ADAMTSL3: variants seen among roughly 807,000 people sequenced by gnomAD.
ADAMTSL3 encodes the protein ADAMTS like 3.
ADAMTSL3 carries 128 observed loss-of-function variants against 201.7 expected under a neutral mutation model. That is an observed-to-expected ratio of 0.63 (90% CI 0.55 to 0.73). The LOEUF (loss-of-function observed/expected upper bound fraction) is 0.73, where lower values mean the gene tolerates loss of function less well. Ranked by LOEUF, ADAMTSL3 falls within the 30% of genes least tolerant of loss-of-function variation. ADAMTSL3 has a pLI of 0.00. For missense variants in ADAMTSL3, 1,990 were observed against 2,119.6 expected, an observed-to-expected ratio of 0.94 and a Z score of 1.20; for synonymous variants, 738 against 748.4, an observed-to-expected ratio of 0.99 and a Z score of 0.23.
intron 5 of ADAMTSL3, among the ~76,000 whole-genome samples, chr15:83,810,637 T>C (rs773871886): frequency 2.0e-5 from 3 of 152,242 alleles, no homozygotes; most frequent in Non-Finnish European, 4.4e-5. Context: ...ATTAATTTCC[T>C]TTTTTTCCCA....
chr15:83,677,422 A>G (rs1329066868), intron 2 of ADAMTSL3, among the ~76,000 whole-genome samples: 1 of 152,000 alleles, frequency 6.6e-6, no homozygotes, highest in East Asian at 1.9e-4. Context: ...TTTCAGTTTT[A>G]TCAGTTTTTG....
chr15:83,995,701 T>C (rs865968331), intron 23 of ADAMTSL3, among the ~76,000 whole-genome samples: 2 of 152,076 alleles, frequency 1.3e-5, no homozygotes, highest in Non-Finnish European at 2.9e-5. Context: ...AAAGAAAATA[T>C]ACAAAGTTTT....
intron 15 of ADAMTSL3, among the ~76,000 whole-genome samples, 174 bp downstream of exon 15, chr15:83,899,905 TC>T (rs2065690622): frequency 6.6e-6 from 1 of 152,196 alleles, no homozygotes; most frequent in Admixed American, 6.5e-5. Flanking sequence ...AATTCAGCAG[TC>T]CTCCTTTGGC....
chr15:84,016,417 G>C lies in ADAMTSL3; in HGVS notation c.4191G>C (p.Leu1397=). The stretch of plus-strand genomic sequence containing the variant: ...GGCCAGAGAGTAGAATCGTATTTCT[G>C]CAAGGACATAAAAAGTACATTCTCC... ...RRWPESRIVF[L]QGHKKYILQA... is the part of the protein sequence containing the mutation. Residue 1397 remains leucine, a synonymous_variant, in exon 25 of 30, where the codon CTG becomes CTC. Transcript: ENST00000286744. 6.2e-7 allele frequency: 1 copy of C among 1,613,662 alleles called. No homozygotes were observed. Among genetic ancestry groups the C allele is most frequent in the Non-Finnish European group, 8.5e-7 (1 of 1,179,912 alleles).
intron 10 of ADAMTSL3, among the ~76,000 whole-genome samples, chr15:83,886,199 C>A (rs1202437951): frequency 6.6e-6 from 1 of 152,176 alleles, no homozygotes; most frequent in East Asian, 1.9e-4. Flanking sequence ...GAGCTACTGT[C>A]AAAATAATTC....
chr15:83,754,388 GC>G (rs1446210365), intron 3 of ADAMTSL3, among the ~76,000 whole-genome samples: 1 of 152,072 alleles, frequency 6.6e-6, no homozygotes, highest in African/African-American at 2.4e-5. Context: ...AGGCTTCTTG[GC>G]AAGCGTTCAC....
chr15:83,970,370 T>C, intron 19 of ADAMTSL3, 114 bp from the exon 20 acceptor site: 1 of 1,236,340 alleles, frequency 8.1e-7, no homozygotes, highest in East Asian at 2.3e-5. Flanking sequence ...GCTTTCTTCT[T>C]GGCACATCCG....
intron 15 of ADAMTSL3, among the ~76,000 whole-genome samples, chr15:83,910,571 T>C (rs1183254659): frequency 6.6e-6 from 1 of 151,052 alleles, no homozygotes; most frequent in Non-Finnish European, 1.5e-5. Flanking sequence ...ACTTGAAATA[T>C]ACAGAAAAAC....
intron 2 of ADAMTSL3, among the ~76,000 whole-genome samples, chr15:83,670,286 A>T (rs12916121): frequency 4.0e-5 from 6 of 149,264 alleles, no homozygotes; most frequent in Non-Finnish European, 8.9e-5. Context: ...AAAAAAAAGA[A>T]CAGAAAAAGA....
chr15:83,951,870 T>A (rs2066765229), intron 19 of ADAMTSL3, among the ~76,000 whole-genome samples: 1 of 152,174 alleles, frequency 6.6e-6, no homozygotes, highest in African/African-American at 2.4e-5. Context: ...CTTTTCCATC[T>A]CTGATTTAAT....
At chr15:83,758,754 A>G (rs1324623155) in intron 3 of ADAMTSL3, among the ~76,000 whole-genome samples, 1 of 151,954 alleles carries the variant, frequency 6.6e-6, no homozygotes, top group Non-Finnish European at 1.5e-5. Flanking sequence ...TAACTGGGCT[A>G]TTTCTTTTTT....
At chr15:83,698,925 A>AG (rs2141483922) in intron 2 of ADAMTSL3, among the ~76,000 whole-genome samples, 1 of 151,966 alleles carries the variant, frequency 6.6e-6, no homozygotes, top group South Asian at 2.1e-4. Context: ...GACCTAATAT[A>AG]GGGTGTTTTC....
At chr15:83,969,490 G>C (rs954293075) in intron 19 of ADAMTSL3, among the ~76,000 whole-genome samples, 1 of 152,126 alleles carries the variant, frequency 6.6e-6, no homozygotes, top group Non-Finnish European at 1.5e-5. Flanking sequence ...ATAGGCAGAT[G>C]AATGGATAAA....
intron 2 of ADAMTSL3, among the ~76,000 whole-genome samples, chr15:83,658,760 CA>C (rs1438751593): frequency 1.3e-5 from 2 of 152,188 alleles, no homozygotes; most frequent in Non-Finnish European, 2.9e-5. Flanking sequence ...GAGAGCTTTC[CA>C]AACTTTATCT....
chr15:83,711,024 CAAT>C (rs2061926503), intron 3 of ADAMTSL3, among the ~76,000 whole-genome samples: 1 of 152,078 alleles, frequency 6.6e-6, no homozygotes, highest in African/African-American at 2.4e-5. Context: ...CTAATAATAA[CAAT>C]AATATATTAA....
At chr15:84,013,769 A>G (rs1179962934) in intron 23 of ADAMTSL3, among the ~76,000 whole-genome samples, 1 of 152,010 alleles carries the variant, frequency 6.6e-6, no homozygotes, top group East Asian at 1.9e-4. Flanking sequence ...CTCCATCTCA[A>G]AAAGAAAAAG....
intron 2 of ADAMTSL3, among the ~76,000 whole-genome samples, chr15:83,678,965 G>A (rs1302796636): frequency 1.3e-5 from 2 of 149,398 alleles, no homozygotes; most frequent in Admixed American, 1.3e-4. Context: ...GATAGTGAAA[G>A]TATCATATCC....
At chr15:83,798,098 G>GA (rs143884084) in intron 4 of ADAMTSL3, among the ~76,000 whole-genome samples, 13,985 of 151,246 alleles carry the variant, frequency 0.092, 802 homozygotes, top group East Asian at 0.25. Flanking sequence ...AGTTTTCAGA[G>GA]AAAAAAAAAC....
intron 13 of ADAMTSL3, 72 bp downstream of exon 13, chr15:83,892,960 G>A: frequency 1.4e-6 from 2 of 1,431,646 alleles, no homozygotes; most frequent in Non-Finnish European, 1.9e-6. Context: ...TGCCCACCAT[G>A]GTGCTAGACA....
Sources: gnomAD v4.1 joint callset for allele counts (sites outside exome capture counted in the v4.1 genomes callset) on GRCh38, gnomAD v4.1.1 for gene constraint, MANE v1.5 for transcripts, NCBI Gene and HGNC (gene_info 2026-07-23, HGNC 2026-07-21) for gene names.